The following SLAIN2 variants were observed in gnomAD, a reference collection of about 807,000 sequenced individuals.
The protein encoded by SLAIN2 is SLAIN family member 2, also known as SLAIN motif-containing protein 2.
Under a neutral mutation model 56.6 loss-of-function variants are expected in SLAIN2, and 31 were observed. The ratio of observed to expected loss-of-function variants is 0.55; its 90% confidence interval spans 0.41 to 0.74. The LOEUF is 0.74. Among genes scored for constraint, SLAIN2 ranks in the 30% least tolerant of loss-of-function variants. SLAIN2 has a pLI of 0.00. For synonymous variants in SLAIN2, 317 were observed against 284.9 expected (o/e 1.11, Z -1.13); for missense variants, 777 against 754.2 (o/e 1.03, Z -0.35).
At chr4:48,393,261 C>T (rs1716280352) in intron 6 of SLAIN2, among the ~76,000 whole-genome samples, 1 of 152,106 alleles carries the variant, frequency 6.6e-6, no homozygotes, top group African/African-American at 2.4e-5. Context: ...GCTTCATCGA[C>T]TATGCTGAAT....
At chr4:48,387,459 A>G (rs1420589674) in intron 6 of SLAIN2, 2 of 152,204 alleles carry the variant, frequency 1.3e-5, no homozygotes, top group East Asian at 3.9e-4. Context: ...TTTACTTTTA[A>G]GTGGAAAGTA....
chr4:48,370,645 A>C (rs1315568209), intron 2 of SLAIN2, among the ~76,000 whole-genome samples: 4 of 152,228 alleles, frequency 2.6e-5, no homozygotes, highest in African/African-American at 4.8e-5. Flanking sequence ...AAGCTGACAA[A>C]ATGTGTCTGT....
Position 48,420,384 on chromosome 4 carries a change from T to G in SLAIN2, c.1620T>G (p.Ser540Arg). 2 of 1,614,004 alleles carry G rather than the reference T, an allele frequency of 1.2e-6. No individual in the cohort carries two copies. Among genetic ancestry groups the G allele is most frequent in the South Asian group, 1.1e-5 (1 of 91,088 alleles). Residue 540 changes from serine (S) to arginine (R), a missense_variant, in exon 7 of 8, where the codon AGT (serine) becomes AGG (arginine). Transcript: ENST00000264313. The part of the protein sequence containing the change: ...TAMRSGLPRP[S>R]APSAGGIPVP... ...TGAGAAGTGGCTTGCCCAGACCCAGTGCCCCTTCTGCTGGGGGCATACCAG... is the reference window on the plus strand; with the variant it reads ...TGAGAAGTGGCTTGCCCAGACCCAGGGCCCCTTCTGCTGGGGGCATACCAG...
chr4:48,394,551 A>G (rs1273289948), intron 6 of SLAIN2: 4 of 1,529,960 alleles, frequency 2.6e-6, no homozygotes, highest in Admixed American at 2.0e-5. Context: ...CCAGGCAAAT[A>G]TTACAGTTCC....
At chr4:48,381,199 C>G (rs1186161065) in intron 4 of SLAIN2, among the ~76,000 whole-genome samples, 3 of 152,048 alleles carry the variant, frequency 2.0e-5, no homozygotes, top group Non-Finnish European at 2.9e-5. Context: ...TCAACCAGCT[C>G]TTTGCTTTTG....
intron 6 of SLAIN2, among the ~76,000 whole-genome samples, chr4:48,411,457 T>G (rs1391614802): frequency 3.9e-5 from 6 of 152,192 alleles, no homozygotes; most frequent in Non-Finnish European, 8.8e-5. Context: ...TTTAATAGTG[T>G]GAAGTGTAGG....
chr4:48,363,769 G>T (rs1272264470), intron 1 of SLAIN2, among the ~76,000 whole-genome samples: 1 of 129,046 alleles, frequency 7.7e-6, no homozygotes, highest in Non-Finnish European at 1.7e-5. Flanking sequence ...CCTCCCTCCC[G>T]GACGGGGCGG....
At chr4:48,369,030 A>G (rs1213746637) in intron 1 of SLAIN2, among the ~76,000 whole-genome samples, 2 of 152,214 alleles carry the variant, frequency 1.3e-5, no homozygotes, top group African/African-American at 2.4e-5. Context: ...ACCTTTCACT[A>G]GATATACAGT....
chr4:48,361,925 T>C (rs1447436740), intron 1 of SLAIN2, among the ~76,000 whole-genome samples: 1 of 152,252 alleles, frequency 6.6e-6, no homozygotes, highest in Non-Finnish European at 1.5e-5. Context: ...CTTTTGATGC[T>C]GTTGTAAATG....
rs1372442177 is a variant in SLAIN2, at chr4:48,369,856, T to C, written c.397T>C (p.Ser133Pro). The change falls in exon 2 of 8, where the codon TCA (serine) becomes CCA (proline). Residue 133 changes from serine (S) to proline (P), a missense_variant. Ser to Pro is a moderately conservative substitution (Grantham distance 74). Transcript: ENST00000264313. ...TTTGTTGTCTTCTTCTAGGCTGTATTCATCACCAAAGAAAAAACTTACACC... is the reference window on the plus strand; with the variant it reads ...TTTGTTGTCTTCTTCTAGGCTGTATCCATCACCAAAGAAAAAACTTACACC... ...WEEEEESWLY[S>P]SPKKKLTPMQ... 9 of 1,613,122 alleles carry C rather than the reference T, an allele frequency of 5.6e-6. No homozygotes were observed. Among genetic ancestry groups the C allele is most frequent in the Non-Finnish European group, 7.6e-6 (9 of 1,179,528 alleles).
intron 6 of SLAIN2, among the ~76,000 whole-genome samples, chr4:48,389,093 C>T (rs1244719263): frequency 3.3e-5 from 5 of 152,070 alleles, no homozygotes; most frequent in Non-Finnish European, 5.9e-5. Flanking sequence ...AATTTTGAAA[C>T]ACAAATTGAA....
chr4:48,366,614 C>T (rs900617553), intron 1 of SLAIN2, among the ~76,000 whole-genome samples: 11 of 151,914 alleles, frequency 7.2e-5, no homozygotes, highest in Admixed American at 6.6e-4. Context: ...TATTTTTTCC[C>T]ATTCTTTTAC....
At chr4:48,410,542 C>A (rs934500983) in intron 6 of SLAIN2, among the ~76,000 whole-genome samples, 23 of 152,266 alleles carry the variant, frequency 1.5e-4, no homozygotes, top group African/African-American at 5.3e-4. Context: ...TGCTCTACCC[C>A]ACCTGCTCTT....
chr4:48,424,290 CT>C lies in SLAIN2; in HGVS notation c.*2216del, dbSNP rs561253666. 1.4e-4 allele frequency: 22 copies of C among 152,008 alleles called. No homozygotes were observed. The East Asian group carries it at 3.9e-3, about 27-fold the overall frequency. 9.4% of individuals were successfully genotyped at this position (152,008 alleles called of 1,614,324 possible). ...AAAAATTGCCTTTTTACTAGAAAGC[CT>C]TTGTATATTGCAATTTTTCTGTTTG... On this transcript the variant is annotated 3_prime_UTR_variant, in exon 8 of 8. Coordinates refer to ENST00000264313, the MANE Select transcript of SLAIN2 (RefSeq NM_020846.2).
chr4:48,359,476 G>A (rs781549783), intron 1 of SLAIN2, among the ~76,000 whole-genome samples: 28 of 152,112 alleles, frequency 1.8e-4, no homozygotes, highest in Non-Finnish European at 3.2e-4. Context: ...TGATTACTGC[G>A]GTTACCACAG....
intron 6 of SLAIN2, chr4:48,394,635 A>G: frequency 6.5e-7 from 1 of 1,535,920 alleles, no homozygotes; most frequent in Non-Finnish European, 8.7e-7. Flanking sequence ...GTTGCTTCAA[A>G]CTTCATCTAC....
intron 4 of SLAIN2, among the ~76,000 whole-genome samples, chr4:48,381,459 C>T (rs543344142): frequency 2.0e-5 from 3 of 152,024 alleles, no homozygotes; most frequent in Admixed American, 6.6e-5. Context: ...CAAGGTCATT[C>T]GTTTTTAAGA....
intron 6 of SLAIN2, among the ~76,000 whole-genome samples, chr4:48,409,925 G>A (rs1019553790): frequency 6.6e-6 from 1 of 152,170 alleles, no homozygotes; most frequent in African/African-American, 2.4e-5. Flanking sequence ...TCATGTACAA[G>A]TGTTTACATG....
rs1054460068 is a variant in SLAIN2, at chr4:48,403,159, C to T, written c.1361-16966C>T. On this transcript the variant is annotated intron_variant, in intron 6 of 7. Coordinates refer to ENST00000264313, the MANE Select transcript of SLAIN2 (RefSeq NM_020846.2). ...CTCTCCTTTATGAGGTATCTGGAGACCCCTGTTGGGAGGTCTCAGGCAGTC... is the reference window on the plus strand; with the variant it reads ...CTCTCCTTTATGAGGTATCTGGAGATCCCTGTTGGGAGGTCTCAGGCAGTC... Among the ~76,000 whole-genome samples the T allele has an allele frequency of 2.6e-5, 4 of 152,330 alleles. No homozygotes were observed. The East Asian group carries it at 7.7e-4, about 29-fold the overall frequency.
Sources: allele counts gnomAD v4.1 joint callset (sites outside exome capture counted in the v4.1 genomes callset), GRCh38; gene constraint gnomAD v4.1.1; transcripts MANE v1.5; gene names NCBI Gene and HGNC (gene_info 2026-07-23, HGNC 2026-07-21).